PDXP: variants seen among roughly 807,000 people sequenced by gnomAD.
PDXP encodes chronophin.
PDXP carries 15 observed loss-of-function variants against 14.4 expected under a neutral mutation model. The observed-to-expected ratio is 1.04, with a 90% CI of 0.70 to 1.60. The LOEUF is 1.60. Among genes scored for constraint, PDXP ranks in the 40% most tolerant of loss-of-function variants. The pLI, the probability that PDXP is intolerant of heterozygous loss-of-function variation, is 0.00. For synonymous variants in PDXP, 233 were observed against 205.6 expected (o/e 1.13, Z -1.14); for missense variants, 413 against 427.6 (o/e 0.97, Z 0.30).
intron 1 of PDXP, among the ~76,000 whole-genome samples, chr22:37,663,919 CTTTTTT>C (rs11335821): frequency 1.0e-5 from 1 of 98,310 alleles, no homozygotes; most frequent in African/African-American, 4.5e-5. Context: ...AATACGTTGA[CTTTTTT>C]TTTTTTTTTT....
chr22:37,665,202 G>A (rs148170367), intron 1 of PDXP: 74 of 309,636 alleles, frequency 2.4e-4, no homozygotes, highest in Middle Eastern at 9.9e-4. Context: ...GTGAAATCGC[G>A]AACCTCAGGC....
chr22:37,658,833 C>T lies in PDXP; in HGVS notation c.51C>T (p.Gly17=), dbSNP rs1933133956. ...LRGAALRDVL[G]RAQGVLFDCD... ...GAGCGGCCCTGCGCGACGTGCTGGG[C>T]CGGGCGCAGGGGGTCCTGTTCGACT... Residue 17 remains glycine, a synonymous_variant, in exon 1 of 2, where the codon GGC becomes GGT. Transcript: ENST00000215904. The T allele has an allele frequency of 1.7e-6, 2 of 1,194,380 alleles. No homozygotes were observed. The highest frequency in any genetic ancestry group is 1.0e-6 in the Non-Finnish European group (1 of 963,252). The allele number at this position is 1,194,380 out of a possible 1,614,324, so 74.0% of individuals were successfully genotyped here. A position where few individuals can be genotyped will look rare whatever the true frequency, so the allele number is the denominator to read the frequency against.
intron 1 of PDXP, among the ~76,000 whole-genome samples, chr22:37,664,652 T>G (rs1921006084): frequency 6.6e-6 from 1 of 152,212 alleles, no homozygotes; most frequent in Admixed American, 6.5e-5. Context: ...AAATGGTGAT[T>G]ATCATCATTT....
chr22:37,658,938 G>A lies in PDXP; in HGVS notation c.156G>A (p.Lys52=). 1 of 1,215,606 alleles carries A rather than the reference G, an allele frequency of 8.2e-7. No homozygotes were observed. Among genetic ancestry groups the A allele is most frequent in the Non-Finnish European group, 1.0e-6 (1 of 974,494 alleles). The allele number at this position is 1,215,606 out of a possible 1,614,324, so 75.3% of individuals were successfully genotyped here. Residue 52 remains lysine, a synonymous_variant, in exon 1 of 2, where the codon AAG becomes AAA. Coordinates refer to ENST00000215904, the MANE Select transcript of PDXP (RefSeq NM_020315.5). ...TGGAGCGGCTGGCGCGGGCCGGCAA[G>A]GCGGCTCTGTTTGTGAGCAACAACA... ...ELLERLARAG[K]AALFVSNNSR... is the part of the protein sequence containing the mutation.
rs755687181 is a variant in PDXP at position 37,666,181 on chromosome 22, C to T, written c.*310C>T. ...GGCCCTGGTGCCTGCTGAAGATTCC[C>T]TCTATCCCTGAGTACTTAGTCTTCT... is the stretch of plus-strand genomic sequence containing the variant. On this transcript the variant is annotated 3_prime_UTR_variant, in exon 2 of 2. Coordinates refer to ENST00000215904, the MANE Select transcript of PDXP (RefSeq NM_020315.5). The T allele has an allele frequency of 2.5e-4, 120 of 471,612 alleles. No individual in the cohort carries two copies. The highest frequency in any genetic ancestry group is 3.7e-4 in the Non-Finnish European group (93 of 250,534). The allele number at this position is 471,612 out of a possible 1,614,324, so 29.2% of individuals were successfully genotyped here.
intron 1 of PDXP, among the ~76,000 whole-genome samples, chr22:37,665,279 G>C (rs2146091912): frequency 6.6e-6 from 1 of 151,984 alleles, no homozygotes; most frequent in Non-Finnish European, 1.5e-5. Flanking sequence ...ACCCACATGA[G>C]ATAAGTGCCG....
chr22:37,666,040 A>G lies in PDXP; in HGVS notation c.*169A>G, dbSNP rs931567723. The stretch of plus-strand genomic sequence containing the variant: ...TTGAGGGCCCTTGCAACCCCCTCCC[A>G]GCAGTGGCTGGGCACTCTTTGCTGC... On this transcript the variant is annotated 3_prime_UTR_variant, in exon 2 of 2. Coordinates refer to ENST00000215904, the MANE Select transcript of PDXP (RefSeq NM_020315.5). 1.5e-6 allele frequency: 1 copy of G among 678,616 alleles called. No individual in the cohort carries two copies. The highest frequency in any genetic ancestry group is 1.9e-5 in the South Asian group (1 of 51,972). The allele number at this position is 678,616 out of a possible 1,614,324, so 42.0% of individuals were successfully genotyped here. A position where few individuals can be genotyped will look rare whatever the true frequency, so the allele number is the denominator to read the frequency against.
intron 1 of PDXP, among the ~76,000 whole-genome samples, chr22:37,662,913 AG>A (rs1430910245): frequency 1.3e-5 from 2 of 150,492 alleles, no homozygotes; most frequent in Admixed American, 1.3e-4. Context: ...GCTTGAACCC[AG>A]GAGGCAGAGG....
intron 1 of PDXP, among the ~76,000 whole-genome samples, chr22:37,660,381 C>T (rs1221455689): frequency 2.0e-5 from 3 of 152,222 alleles, no homozygotes; most frequent in African/African-American, 7.2e-5. Flanking sequence ...TCCAACCGCA[C>T]CCCAATGATG....
chr22:37,665,153 G>A (rs1316736981), intron 1 of PDXP: 1 of 227,178 alleles, frequency 4.4e-6, no homozygotes, highest in East Asian at 9.7e-5. Flanking sequence ...GAAACTTGGG[G>A]TGGTTGAGTG....
At position 37,665,878 on chromosome 22, in the gene PDXP, T is replaced by C; in HGVS notation, c.*7T>C. The C allele has an allele frequency of 1.2e-6, 2 of 1,608,072 alleles. No homozygotes were observed. The highest frequency in any genetic ancestry group is 1.7e-6 in the Non-Finnish European group (2 of 1,175,684). ...AGAGGGGTTGGAGGACTGAGCCCAC[T>C]GCACCTGCAGCCACAGGCCCACCCC... is the stretch of plus-strand genomic sequence containing the variant. On this transcript the variant is annotated 3_prime_UTR_variant, in exon 2 of 2. Coordinates refer to ENST00000215904, the MANE Select transcript of PDXP (RefSeq NM_020315.5).
Position 37,659,271 on chromosome 22 carries a change from C to A in PDXP, c.489C>A (p.Cys163Ter). The A allele has an allele frequency of 7.6e-7, 1 of 1,317,520 alleles. No individual in the cohort carries two copies. The highest frequency in any genetic ancestry group is 2.9e-5 in the Admixed American group (1 of 34,120). 81.6% of individuals were successfully genotyped at this position (1,317,520 alleles called of 1,614,324 possible). The stretch of plus-strand genomic sequence containing the variant: ...CCTTCGCCAAGCTGAGGGAGGCGTG[C>A]GCGCACCTGCGCGACCCCGAGTGCC... ...HFSFAKLREA[C>*]AHLRDPECLL... Residue 163 changes from cysteine to a stop codon, truncating the protein, a stop_gained, in exon 1 of 2, where the codon TGC becomes TGA. Coordinates refer to ENST00000215904, the MANE Select transcript of PDXP (RefSeq NM_020315.5). LOFTEE classifies it high-confidence loss of function.
intron 1 of PDXP, among the ~76,000 whole-genome samples, chr22:37,661,597 G>A (rs1281019554): frequency 6.6e-6 from 1 of 152,192 alleles, no homozygotes; most frequent in Admixed American, 6.5e-5. Flanking sequence ...GGAGTGGAAT[G>A]ATGGTGGCCT....
Position 37,659,171 on chromosome 22 carries a change from C to G in PDXP, c.389C>G (p.Ala130Gly), listed in dbSNP as rs541709590. The G allele has an allele frequency of 8.7e-7, 1 of 1,148,386 alleles. No individual in the cohort carries two copies. The highest frequency in any genetic ancestry group is 1.1e-6 in the Non-Finnish European group (1 of 934,940). The allele number at this position is 1,148,386 out of a possible 1,614,324, so 71.1% of individuals were successfully genotyped here. The change falls in exon 1 of 2, where the codon GCC becomes GGC. Residue 130 changes from alanine to glycine, a missense_variant. Ala to Gly is a moderately conservative substitution (Grantham distance 60). Transcript: ENST00000215904. ...CTGCGCGCCGCGGGGCTGCGCCTGGCCGGGGACCCGAGCGCGGGGGACGGC... is the reference window on the plus strand; with the variant it reads ...CTGCGCGCCGCGGGGCTGCGCCTGGGCGGGGACCCGAGCGCGGGGGACGGC... Reference protein sequence around the residue: ...AELRAAGLRLAGDPSAGDGAA... With the variant: ...AELRAAGLRLGGDPSAGDGAA...
chr22:37,658,926 G>C lies in PDXP; in HGVS notation c.144G>C (p.Ala48=). 1.6e-6 allele frequency: 2 copies of C among 1,218,878 alleles called. No homozygotes were observed. The highest frequency in any genetic ancestry group is 3.1e-5 in the South Asian group (1 of 32,488). 75.5% of individuals were successfully genotyped at this position (1,218,878 alleles called of 1,614,324 possible). A position where few individuals can be genotyped will look rare whatever the true frequency, so the allele number is the denominator to read the frequency against. Residue 48 remains alanine (A), a synonymous_variant, in exon 1 of 2, where the codon GCG becomes GCC. Coordinates refer to ENST00000215904, the MANE Select transcript of PDXP (RefSeq NM_020315.5). ...PGAPELLERL[A]RAGKAALFVS... ...CCCCGGAGCTGCTGGAGCGGCTGGC[G>C]CGGGCCGGCAAGGCGGCTCTGTTTG...
At chr22:37,662,919 C>T (rs150040780) in intron 1 of PDXP, among the ~76,000 whole-genome samples, 69 of 151,086 alleles carry the variant, frequency 4.6e-4, no homozygotes, top group African/African-American at 1.6e-3. Flanking sequence ...ACCCAGGAGG[C>T]AGAGGTTGCT....
chr22:37,665,822 A>G lies in PDXP; in HGVS notation c.842A>G (p.His281Arg), dbSNP rs753337577. 1 of 1,613,970 alleles carries G rather than the reference A, an allele frequency of 6.2e-7. No individual in the cohort carries two copies. The highest frequency in any genetic ancestry group is 2.2e-5 in the East Asian group (1 of 44,882). ...LAAGQHDLVP[H>R]YYVESIADLT... ...GCCGGCCAGCACGACCTCGTGCCCC[A>G]TTACTATGTGGAGAGCATCGCAGAC... The change falls in exon 2 of 2, where the codon CAT becomes CGT. Residue 281 changes from histidine (H) to arginine (R), a missense_variant. Transcript: ENST00000215904.
In PDXP at chr22:37,659,090, C is replaced by T. The variant is rs967008214; in HGVS notation, c.308C>T (p.Pro103Leu). Residue 103 changes from proline to leucine, a missense_variant, in exon 1 of 2, where the codon CCT (proline) becomes CTT (leucine). Transcript: ENST00000215904. ...ARLLRQRLPG[P>L]PDAPGAVFVL... ...CTGCTGCGCCAGCGCCTGCCCGGGC[C>T]TCCGGACGCGCCGGGCGCCGTGTTC... is the stretch of plus-strand genomic sequence containing the variant. The T allele has an allele frequency of 2.2e-5, 24 of 1,067,308 alleles. No homozygotes were observed. Among genetic ancestry groups the T allele is most frequent in the Non-Finnish European group, 2.5e-5 (22 of 884,754 alleles). The allele number at this position is 1,067,308 out of a possible 1,614,324, so 66.1% of individuals were successfully genotyped here.
chr22:37,661,916 A>AATTTTTTT (rs1325101964), intron 1 of PDXP, among the ~76,000 whole-genome samples: 10 of 71,388 alleles, frequency 1.4e-4, no homozygotes, highest in African/African-American at 3.1e-4. Context: ...CTTTTTCTTT[A>AATTTTTTT]ATTTTTTTTT....
Sources: gnomAD v4.1 joint callset for allele counts (sites outside exome capture counted in the v4.1 genomes callset) on GRCh38, gnomAD v4.1.1 for gene constraint, MANE v1.5 for transcripts, NCBI Gene and HGNC (gene_info 2026-07-23, HGNC 2026-07-21) for gene names.